MTHFD1L: variants seen among roughly 807,000 people sequenced by gnomAD.
The protein encoded by MTHFD1L is methylenetetrahydrofolate dehydrogenase (NADP+ dependent) 1 like, also known as monofunctional C1-tetrahydrofolate synthase, mitochondrial.
A neutral mutation model predicts 119.5 loss-of-function variants in MTHFD1L; 81 were observed. The observed-to-expected ratio is 0.68, with a 90% CI of 0.57 to 0.82. MTHFD1L has a LOEUF of 0.82. Among genes scored for constraint, MTHFD1L ranks in the 40% least tolerant of loss-of-function variants. MTHFD1L has a pLI of 0.00. For synonymous variants in MTHFD1L, 430 were observed against 475.2 expected (o/e 0.90, Z 1.24); for missense variants, 1,125 against 1,253.4 (o/e 0.90, Z 1.55).
Position 151,078,300 on chromosome 6 carries a change from C to T in MTHFD1L, c.2848-14167C>T, listed in dbSNP as rs145653485. Among the ~76,000 whole-genome samples the T allele has an allele frequency of 1.6e-3, 236 of 152,144 alleles. 2 individuals carry two copies. Among genetic ancestry groups the T allele is most frequent in the African/African-American group, 5.3e-3 (218 of 41,472 alleles). On this transcript the variant is annotated intron_variant, in intron 26 of 27. Coordinates refer to ENST00000367321, the MANE Select transcript of MTHFD1L (RefSeq NM_015440.5). ...AAAGAAATAAAAGAAGAAAATTAGC[C>T]AGGTGTGGTGGCCTGTAGTCCTAGC...
At chr6:150,988,068 T>C (rs1486546063) in intron 20 of MTHFD1L, among the ~76,000 whole-genome samples, 1 of 152,174 alleles carries the variant, frequency 6.6e-6, no homozygotes, top group Non-Finnish European at 1.5e-5. Flanking sequence ...AGTAATATGC[T>C]TAGAATGTAG....
At chr6:150,873,786 G>A (rs1017599092) in intron 1 of MTHFD1L, among the ~76,000 whole-genome samples, 2 of 152,084 alleles carry the variant, frequency 1.3e-5, no homozygotes, top group African/African-American at 4.8e-5. Context: ...TCCTGCCTCA[G>A]CCTCCTGAGT....
chr6:150,924,236 T>A (rs1043801318), intron 10 of MTHFD1L, among the ~76,000 whole-genome samples: 10 of 152,226 alleles, frequency 6.6e-5, no homozygotes, highest in Non-Finnish European at 1.3e-4. Context: ...TTGTTTTGTT[T>A]TTGAGACAGA....
intron 26 of MTHFD1L, among the ~76,000 whole-genome samples, chr6:151,065,111 T>C (rs749562238): frequency 1.3e-5 from 2 of 152,152 alleles, no homozygotes; most frequent in African/African-American, 2.4e-5. Context: ...GCCACTATTC[T>C]TAAGTGACCT....
Position 151,092,526 on chromosome 6 carries a change from C to A in MTHFD1L, c.2907C>A (p.Thr969=). ...RPCFYDIDLD[T]ETEQVKGLF ...GCTTTTATGACATAGATCTTGATAC[C>A]GAAACAGAACAAGTTAAAGGCTTGT... The change falls in exon 27 of 28, where the codon ACC becomes ACA. Residue 969 remains threonine (T), a synonymous_variant. Coordinates refer to ENST00000367321, the MANE Select transcript of MTHFD1L (RefSeq NM_015440.5). 1 of 1,614,080 alleles carries A rather than the reference C, an allele frequency of 6.2e-7. No homozygotes were observed. Among genetic ancestry groups the A allele is most frequent in the Non-Finnish European group, 8.5e-7 (1 of 1,180,006 alleles).
In MTHFD1L at chr6:151,039,917, A is replaced by AATACATACATACATAC. The variant is rs112663874; in HGVS notation, c.2847+2815_2847+2830dup. Among the ~76,000 whole-genome samples, 57 of 148,748 alleles carry AATACATACATACATAC rather than the reference A, an allele frequency of 3.8e-4. No homozygotes were observed. Among genetic ancestry groups the AATACATACATACATAC allele is most frequent in the East Asian group, 1.6e-3 (8 of 4,910 alleles). ...GTGACAGAGCAAGACTTCATCTCTA[A>AATACATACATACATAC]ATACATACATACATACATACATACA... On this transcript the variant is annotated intron_variant, in intron 26 of 27. Coordinates refer to ENST00000367321, the MANE Select transcript of MTHFD1L (RefSeq NM_015440.5). The surrounding 1 kb of genome is among the most constrained non-coding windows in gnomAD (Gnocchi z 4.4).
At chr6:151,066,644 T>C (rs1296892493) in intron 26 of MTHFD1L, among the ~76,000 whole-genome samples, 1 of 145,436 alleles carries the variant, frequency 6.9e-6, no homozygotes, top group South Asian at 2.2e-4. Context: ...AGGCGCCTGT[T>C]GTCCCAGCTA....
At chr6:150,895,446 C>T (rs1044574410) in intron 7 of MTHFD1L, among the ~76,000 whole-genome samples, 3 of 152,000 alleles carry the variant, frequency 2.0e-5, no homozygotes, top group Non-Finnish European at 4.4e-5. Flanking sequence ...AGCTGCATGC[C>T]GAAGAAATAA....
intron 20 of MTHFD1L, among the ~76,000 whole-genome samples, chr6:150,997,995 T>A (rs1205486809): frequency 2.0e-5 from 3 of 152,280 alleles, no homozygotes; most frequent in African/African-American, 7.2e-5. Flanking sequence ...AGAGGTAGAC[T>A]CTGTGCCTGT....
intron 1 of MTHFD1L, among the ~76,000 whole-genome samples, chr6:150,871,488 CTGTAATCTTT>C (rs1779481135): frequency 6.8e-6 from 1 of 146,618 alleles, no homozygotes; most frequent in Non-Finnish European, 1.5e-5. Context: ...ATATCAACTA[CTGTAATCTTT>C]TTTTTTTTTT....
intron 20 of MTHFD1L, among the ~76,000 whole-genome samples, chr6:150,994,977 A>G (rs1779624586): frequency 6.6e-6 from 1 of 152,208 alleles, no homozygotes; most frequent in South Asian, 2.1e-4. Flanking sequence ...TTTTGCCAGT[A>G]TAATAAACAT....
At chr6:151,020,420 T>C (rs1232659022) in intron 24 of MTHFD1L, among the ~76,000 whole-genome samples, 1 of 152,232 alleles carries the variant, frequency 6.6e-6, no homozygotes, top group Admixed American at 6.5e-5. Flanking sequence ...GCTGCACTTC[T>C]GACTTGGGAG....
chr6:150,932,161 CAA>C (rs5880902), intron 11 of MTHFD1L, among the ~76,000 whole-genome samples: 1 of 39,474 alleles, frequency 2.5e-5, no homozygotes, highest in Admixed American at 4.5e-4. Flanking sequence ...GACTCCATCT[CAA>C]AAAAAAAAAA....
chr6:150,928,621 A>C (rs1227725789), intron 11 of MTHFD1L, among the ~76,000 whole-genome samples: 11 of 149,824 alleles, frequency 7.3e-5, no homozygotes, highest in Non-Finnish European at 1.3e-4. Context: ...GGCTCGCTGC[A>C]ACCTCTGCCC....
intron 16 of MTHFD1L, among the ~76,000 whole-genome samples, chr6:150,954,871 A>T (rs1413210881): frequency 3.3e-5 from 5 of 152,016 alleles, no homozygotes; most frequent in Admixed American, 3.3e-4. Flanking sequence ...TCAGCCTCCC[A>T]AAGTGCTGGG....
At chr6:151,070,016 A>G (rs930111410) in intron 26 of MTHFD1L, among the ~76,000 whole-genome samples, 1 of 152,032 alleles carries the variant, frequency 6.6e-6, no homozygotes, top group Admixed American at 6.5e-5. Flanking sequence ...TTTAAGTTTC[A>G]ATTGACACAT....
At chr6:150,987,825 C>T (rs1208194874) in intron 20 of MTHFD1L, among the ~76,000 whole-genome samples, 1 of 152,198 alleles carries the variant, frequency 6.6e-6, no homozygotes, top group African/African-American at 2.4e-5. Flanking sequence ...TGCATGGCCA[C>T]TAGGCTTTTT....
intron 12 of MTHFD1L, among the ~76,000 whole-genome samples, chr6:150,937,994 G>T (rs575948737): frequency 1.2e-4 from 18 of 152,206 alleles, no homozygotes; most frequent in African/African-American, 3.9e-4. Flanking sequence ...ATTTGAGGTG[G>T]TTATGCGGTG....
At chr6:151,049,491 C>CAAA (rs61344944) in intron 26 of MTHFD1L, among the ~76,000 whole-genome samples, 1 of 85,984 alleles carries the variant, frequency 1.2e-5, no homozygotes, top group Non-Finnish European at 2.3e-5. Context: ...GACTCCGTCT[C>CAAA]AAAAAAAAAA....
Sources: allele counts gnomAD v4.1 joint callset (sites outside exome capture counted in the v4.1 genomes callset), GRCh38; gene constraint gnomAD v4.1.1; non-coding constraint Gnocchi (gnomAD v3.1); transcripts MANE v1.5; gene names NCBI Gene and HGNC (gene_info 2026-07-23, HGNC 2026-07-21).